The following DNER variants were observed in gnomAD, a reference collection of about 807,000 sequenced individuals.
The protein encoded by DNER is delta and Notch-like epidermal growth factor-related receptor.
DNER carries 33 observed loss-of-function variants against 78.2 expected under a neutral mutation model. The observed-to-expected ratio is 0.42, with a 90% CI of 0.32 to 0.56. DNER has a LOEUF of 0.56. Ranked by LOEUF, DNER falls within the 20% of genes least tolerant of loss-of-function variation. The pLI is 0.11. For missense variants in DNER, 918 were observed against 975.3 expected (o/e 0.94, Z 0.78); for synonymous variants, 417 against 384.8 (o/e 1.08, Z -0.98).
In DNER at chr2:229,358,622, T is replaced by C; in HGVS notation, c.2132A>G (p.Tyr711Cys). ...RFGKKSRPAM[Y>C]DVSPIAYEDY... ...TTCATAGGCGATGGGGCTCACATCA[T>C]ACATTGCAGGCCGGGATTTCTTTCC... Residue 711 changes from tyrosine to cysteine, a missense_variant, in exon 13 of 13, where the codon TAT becomes TGT. Coordinates refer to ENST00000341772, the MANE Select transcript of DNER (RefSeq NM_139072.4). 1.2e-6 allele frequency: 2 copies of C among 1,613,998 alleles called. No homozygotes were observed.
intron 1 of DNER, among the ~76,000 whole-genome samples, chr2:229,626,328 A>T (rs13392007): frequency 0.22 from 33,681 of 152,156 alleles, 4,646 homozygotes; most frequent in African/African-American, 0.37. Context: ...TCAAACCATT[A>T]CATGCAACTC....
chr2:229,440,291 C>T (rs1694204358), intron 8 of DNER, among the ~76,000 whole-genome samples: 1 of 152,164 alleles, frequency 6.6e-6, no homozygotes, highest in African/African-American at 2.4e-5. Flanking sequence ...TGGCTGTGGC[C>T]ACAGTTTGGA....
intron 4 of DNER, among the ~76,000 whole-genome samples, chr2:229,564,372 CA>C (rs1174678129): frequency 3.4e-5 from 5 of 149,128 alleles, no homozygotes; most frequent in African/African-American, 5.0e-5. Flanking sequence ...CCATCACCAT[CA>C]TCATCATCAT....
At chr2:229,548,205 T>C in intron 4 of DNER, among the ~76,000 whole-genome samples, 1 of 152,086 alleles carries the variant, frequency 6.6e-6, no homozygotes, top group East Asian at 1.9e-4. Context: ...TGAGTTCCAT[T>C]ATCAGGAAAA....
intron 4 of DNER, among the ~76,000 whole-genome samples, chr2:229,570,289 T>G (rs1697191866): frequency 6.6e-6 from 1 of 152,232 alleles, no homozygotes. Flanking sequence ...GCATTCATTG[T>G]GCCTACATTC....
At chr2:229,703,005 C>T (rs903446878) in intron 1 of DNER, among the ~76,000 whole-genome samples, 1 of 151,344 alleles carries the variant, frequency 6.6e-6, no homozygotes, top group Admixed American at 6.6e-5. Context: ...TCAATATGTG[C>T]CTGGGAGAAC....
rs991365590 is a variant in DNER at position 229,436,254 on chromosome 2, T to C, written c.1486+11062A>G. On this transcript the variant is annotated intron_variant, in intron 8 of 12. Coordinates refer to ENST00000341772, the MANE Select transcript of DNER (RefSeq NM_139072.4). ...CTTAGGATAATAGCCTGTGGATCCA[T>C]ACATGTTACTGCAAAAGACATGATC... Among the ~76,000 whole-genome samples, 9 of 152,316 alleles carry C rather than the reference T, an allele frequency of 5.9e-5. No homozygotes were observed. The East Asian group carries it at 1.7e-3, about 29-fold the overall frequency.
At chr2:229,455,425 T>A (rs984489714) in intron 7 of DNER, among the ~76,000 whole-genome samples, 1 of 152,020 alleles carries the variant, frequency 6.6e-6, no homozygotes, top group Non-Finnish European at 1.5e-5. Context: ...TGGGGTAATC[T>A]CAAGTTGCCC....
chr2:229,532,409 C>G (rs1309493394), intron 5 of DNER, among the ~76,000 whole-genome samples: 2 of 152,182 alleles, frequency 1.3e-5, no homozygotes, highest in Non-Finnish European at 2.9e-5. Flanking sequence ...GAAGCAAAAG[C>G]CTTTCTTTTG....
rs532091771 is a variant in DNER, at chr2:229,387,838, C to T, written c.1855+427G>A. Among the ~76,000 whole-genome samples the T allele has an allele frequency of 3.3e-5, 5 of 150,822 alleles. No homozygotes were observed. In the South Asian group the frequency reaches 1.1e-3, roughly 32 times the overall value. Reference sequence around the variant, plus strand: ...TAATACATTTGAAGACACTTGAACACATAAATAAAAAGGTAATTTGCATTC... The same window carrying T: ...TAATACATTTGAAGACACTTGAACATATAAATAAAAAGGTAATTTGCATTC... On this transcript the variant is annotated intron_variant, in intron 11 of 12. Transcript: ENST00000341772.
At position 229,668,791 on chromosome 2, in the gene DNER, C is replaced by A. The variant is rs552706720; in HGVS notation, c.276+45357G>T. On this transcript the variant is annotated intron_variant, in intron 1 of 12. Transcript: ENST00000341772. ...TTGGTAGGAGTGTAAATTAGTTCAA[C>A]CATTGTGGAAGACAGTGTGGCGATT... Among the ~76,000 whole-genome samples the A allele has an allele frequency of 3.3e-5, 5 of 151,484 alleles. No homozygotes were observed. In the East Asian group the frequency reaches 9.8e-4, roughly 30 times the overall value.
At chr2:229,369,685 A>G (rs543493691) in intron 11 of DNER, among the ~76,000 whole-genome samples, 63 of 152,340 alleles carry the variant, frequency 4.1e-4, no homozygotes, top group East Asian at 3.1e-3. Context: ...CTGTATTAGC[A>G]GGAAAAACTG....
intron 1 of DNER, among the ~76,000 whole-genome samples, chr2:229,633,222 T>A (rs368209145): frequency 6.6e-6 from 1 of 152,214 alleles, no homozygotes; most frequent in East Asian, 1.9e-4. Context: ...TCTGGTACAA[T>A]GACCACGTGG....
intron 10 of DNER, among the ~76,000 whole-genome samples, chr2:229,402,141 A>AC (rs1268225402): frequency 2.4e-5 from 3 of 124,876 alleles, no homozygotes; most frequent in Non-Finnish European, 3.8e-5. Context: ...ACAAACCATA[A>AC]AAGAAAAAAA....
chr2:229,632,112 G>A (rs1698442273), intron 1 of DNER, among the ~76,000 whole-genome samples: 1 of 152,130 alleles, frequency 6.6e-6, no homozygotes, highest in Admixed American at 6.5e-5. Context: ...CAGCAGCAAA[G>A]GCAGTGCCAT....
intron 1 of DNER, among the ~76,000 whole-genome samples, chr2:229,687,335 T>G (rs867682457): frequency 1.3e-5 from 2 of 149,144 alleles, no homozygotes; most frequent in Middle Eastern, 3.6e-3. Context: ...ACGATCTCGG[T>G]TCACTGCAAC....
intron 6 of DNER, among the ~76,000 whole-genome samples, chr2:229,501,639 C>T (rs906159237): frequency 6.6e-6 from 1 of 152,174 alleles, no homozygotes; most frequent in African/African-American, 2.4e-5. Context: ...CTGGTGACAA[C>T]AACACAGTTT....
chr2:229,417,968 C>T (rs188529772), intron 9 of DNER, 140 bp downstream of exon 9: 99 of 1,389,728 alleles, frequency 7.1e-5, no homozygotes, highest in Admixed American at 6.9e-4. Flanking sequence ...CTCCTTGGAC[C>T]GATTAATCAT....
chr2:229,425,649 G>A (rs192698523), intron 8 of DNER, among the ~76,000 whole-genome samples: 135 of 152,300 alleles, frequency 8.9e-4, no homozygotes, highest in Non-Finnish European at 1.7e-3. Context: ...TCCACAGTGT[G>A]TTTGCTCACA....
Sources: gnomAD v4.1 joint callset for allele counts (sites outside exome capture counted in the v4.1 genomes callset) on GRCh38, gnomAD v4.1.1 for gene constraint, MANE v1.5 for transcripts, NCBI Gene and HGNC (gene_info 2026-07-23, HGNC 2026-07-21) for gene names.